The following RAD51B variants were observed in gnomAD, a reference collection of about 807,000 sequenced individuals.
RAD51B encodes the protein RAD51 paralog B, also known as DNA repair protein RAD51 homolog 2.
RAD51B carries 38 observed loss-of-function variants against 42.2 expected under a neutral mutation model. The ratio of observed to expected loss-of-function variants is 0.90; its 90% CI spans 0.70 to 1.18. The LOEUF is 1.18. RAD51B is among the 50% of genes most tolerant of loss of function. The pLI, the probability that RAD51B is intolerant of heterozygous loss-of-function variation, is 0.00. For missense variants in RAD51B, 373 were observed against 400.7 expected (o/e 0.93, Z 0.59); for synonymous variants, 154 against 145.2 (o/e 1.06, Z -0.43).
chr14:68,486,903 C>T (rs1883665649), intron 10 of RAD51B, among the ~76,000 whole-genome samples: 1 of 152,180 alleles, frequency 6.6e-6, no homozygotes, highest in Non-Finnish European at 1.5e-5. Context: ...CTTTCCCACC[C>T]TCAAAGCCCA....
intron 7 of RAD51B, among the ~76,000 whole-genome samples, chr14:68,232,312 C>T (rs2080164301): frequency 6.6e-6 from 1 of 151,988 alleles, no homozygotes; most frequent in Admixed American, 6.6e-5. Flanking sequence ...TGATACAAAC[C>T]TTAAGCAGGA....
At chr14:68,177,221 C>T (rs1416277673) in intron 7 of RAD51B, among the ~76,000 whole-genome samples, 1 of 152,182 alleles carries the variant, frequency 6.6e-6, no homozygotes, top group Non-Finnish European at 1.5e-5. Context: ...TCCTCTAAAA[C>T]TTTTAAAAGC....
chr14:67,900,858 C>T (rs2043589334), intron 7 of RAD51B, among the ~76,000 whole-genome samples: 1 of 152,028 alleles, frequency 6.6e-6, no homozygotes, highest in Admixed American at 6.6e-5. Flanking sequence ...TCTGTATGAT[C>T]TTTAGCTTAG....
chr14:68,416,871 C>T (rs1200552968), intron 9 of RAD51B, among the ~76,000 whole-genome samples: 2 of 152,084 alleles, frequency 1.3e-5, no homozygotes, highest in Admixed American at 6.6e-5. Flanking sequence ...TTTCAGGGAC[C>T]AGATAGCATG....
intron 8 of RAD51B, among the ~76,000 whole-genome samples, chr14:68,401,856 AT>A (rs1325412444): frequency 1.3e-5 from 2 of 152,152 alleles, no homozygotes; most frequent in Non-Finnish European, 2.9e-5. Context: ...CAAAAGATAT[AT>A]TTTTTCGTAT....
intron 10 of RAD51B, chr14:68,497,483 AG>A (rs1403143092): frequency 9.4e-7 from 1 of 1,061,448 alleles, no homozygotes. Flanking sequence ...TGGAACACAT[AG>A]GTTTTTTTTT....
At chr14:67,881,507 C>T (rs112111579) in intron 5 of RAD51B, among the ~76,000 whole-genome samples, 123 of 152,172 alleles carry the variant, frequency 8.1e-4, no homozygotes, top group African/African-American at 2.8e-3. Context: ...CCTGCTTCCT[C>T]TCTGGTACTC....
Position 68,291,912 on chromosome 14 carries a change from A to G in RAD51B, c.785A>G (p.His262Arg). Residue 262 changes from histidine (H) to arginine (R), a missense_variant, in exon 8 of 11, where the codon CAT (histidine) becomes CGT (arginine). By Grantham distance (29) the His-to-Arg change is conservative. Coordinates refer to ENST00000471583, the MANE Select transcript of RAD51B (RefSeq NM_133510.4). ...PVILTNQITT[H>R]LSGALASQAD... ...ATCTTGACGAATCAGATTACAACCC[A>G]TCTGAGTGGAGCCCTGGCTTCTCAG... is the stretch of plus-strand genomic sequence containing the variant. The G allele has an allele frequency of 1.9e-6, 3 of 1,613,678 alleles. No individual in the cohort carries two copies. Among genetic ancestry groups the G allele is most frequent in the East Asian group, 4.5e-5 (2 of 44,868 alleles).
At chr14:68,257,667 C>A (rs770809899) in intron 7 of RAD51B, among the ~76,000 whole-genome samples, 1 of 151,988 alleles carries the variant, frequency 6.6e-6, no homozygotes, top group Non-Finnish European at 1.5e-5. Context: ...GCTAAGATTG[C>A]GGGATTGAGA....
chr14:67,904,493 A>G (rs2043715464), intron 7 of RAD51B, among the ~76,000 whole-genome samples: 1 of 148,906 alleles, frequency 6.7e-6, no homozygotes, highest in Non-Finnish European at 1.5e-5. Context: ...CATTTCTCTA[A>G]TGATTAGGAA....
intron 7 of RAD51B, among the ~76,000 whole-genome samples, chr14:68,276,436 A>G (rs1031277099): frequency 3.3e-5 from 5 of 152,206 alleles, no homozygotes; most frequent in South Asian, 2.1e-4. Context: ...ACAGAAAAAT[A>G]TCAGTCTTAT....
intron 11 of RAD51B, among the ~76,000 whole-genome samples, chr14:68,678,832 A>G (rs1027511326): frequency 2.0e-5 from 3 of 152,208 alleles, no homozygotes; most frequent in African/African-American, 7.2e-5. Flanking sequence ...ATGATAGTGT[A>G]TACAGATTAT....
intron 8 of RAD51B, among the ~76,000 whole-genome samples, chr14:68,355,130 G>C (rs555475870): frequency 2.3e-4 from 35 of 152,310 alleles, no homozygotes; most frequent in African/African-American, 8.2e-4. Flanking sequence ...CCATACTGTA[G>C]AGATGGCACT....
rs537266033 is a variant in RAD51B at position 68,433,992 on chromosome 14, G to A, written c.957+22465G>A. Among the ~76,000 whole-genome samples the A allele has an allele frequency of 7.1e-4, 108 of 152,328 alleles. 2 individuals are homozygous for A. The highest frequency in any genetic ancestry group is 2.6e-3 in the African/African-American group (106 of 41,568). On this transcript the variant is annotated intron_variant, in intron 9 of 10. Transcript: ENST00000471583. Reference sequence around the variant, plus strand: ...GACCCTCAGCTGTAGGTCTGTTGGTGTTTGCTGGATGTCCACTCCAGACCC... The same window carrying A: ...GACCCTCAGCTGTAGGTCTGTTGGTATTTGCTGGATGTCCACTCCAGACCC...
intron 7 of RAD51B, among the ~76,000 whole-genome samples, chr14:68,148,856 A>T (rs1194816928): frequency 1.3e-5 from 2 of 152,260 alleles, no homozygotes; most frequent in Admixed American, 1.3e-4. Flanking sequence ...CATGTTTAAG[A>T]TAGGCTAAGC....
At chr14:68,628,956 G>A (rs1892161094) in intron 10 of RAD51B, among the ~76,000 whole-genome samples, 1 of 152,210 alleles carries the variant, frequency 6.6e-6, no homozygotes, top group Admixed American at 6.5e-5. Flanking sequence ...ACTTTGAAAA[G>A]CGTGGCGTTC....
intron 7 of RAD51B, among the ~76,000 whole-genome samples, chr14:68,271,951 A>G (rs1038843170): frequency 1.3e-5 from 2 of 152,226 alleles, no homozygotes; most frequent in Non-Finnish European, 1.5e-5. Flanking sequence ...TCCAGGGGGA[A>G]GTAAGGCAAA....
At chr14:68,017,052 C>T (rs1216427598) in intron 7 of RAD51B, among the ~76,000 whole-genome samples, 2 of 151,822 alleles carry the variant, frequency 1.3e-5, no homozygotes, top group Non-Finnish European at 2.9e-5. Flanking sequence ...TTTTCTTTAA[C>T]CCTTTCTTCA....
At chr14:68,566,965 T>C (rs1296620311) in intron 10 of RAD51B, among the ~76,000 whole-genome samples, 1 of 152,206 alleles carries the variant, frequency 6.6e-6, no homozygotes, top group Non-Finnish European at 1.5e-5. Context: ...TATGCTTGTT[T>C]TGTTAATATC....
Sources: gnomAD v4.1 joint callset for allele counts (sites outside exome capture counted in the v4.1 genomes callset) on GRCh38, gnomAD v4.1.1 for gene constraint, MANE v1.5 for transcripts, NCBI Gene and HGNC (gene_info 2026-07-23, HGNC 2026-07-21) for gene names.